Variants in KLHDC4 observed in about 807,000 individuals in gnomAD.
KLHDC4 encodes the protein kelch domain containing 4.
KLHDC4 carries 90 observed loss-of-function variants against 62.4 expected under a neutral mutation model. That is an observed-to-expected ratio of 1.44 (90% confidence interval 1.22 to 1.72). KLHDC4 has a LOEUF of 1.72. KLHDC4 is among the 40% of genes most tolerant of loss of function. KLHDC4 has a pLI of 0.00. For synonymous variants in KLHDC4, 386 were observed against 284.4 expected (o/e 1.36, Z -3.59); for missense variants, 1,025 against 699.7 (o/e 1.47, Z -5.25).
rs750259276 is a variant in KLHDC4 at position 87,761,960 on chromosome 16, T to TG, written c.179dup (p.Pro61ThrfsTer14). ...TGCTACTTGCTCACCTTGGTGAGGG[T>TG]GGGGGGCACGGAAGTTCCACAGTCT... On this transcript the variant is annotated frameshift_variant, in exon 2 of 12. Transcript: ENST00000270583. LOFTEE classifies it high-confidence loss of function. 6.2e-6 allele frequency: 10 copies of TG among 1,613,378 alleles called. No homozygotes were observed. In the Admixed American group the frequency reaches 1.0e-4, roughly 16 times the overall value.
chr16:87,707,252 C>T (rs2034847875), downstream of KLHDC4, among the ~76,000 whole-genome samples: 1 of 152,220 alleles, frequency 6.6e-6, no homozygotes, highest in African/African-American at 2.4e-5. Context: ...CCAGGAGGAG[C>T]TGGATGGGGA....
At chr16:87,754,039 C>G (rs2044463438) in intron 4 of KLHDC4, among the ~76,000 whole-genome samples, 1 of 151,208 alleles carries the variant, frequency 6.6e-6, no homozygotes, top group East Asian at 2.0e-4. Context: ...ACTGGGGAGG[C>G]TGAGGCAGGA....
At chr16:87,758,895 G>A (rs1258742953) in intron 2 of KLHDC4, among the ~76,000 whole-genome samples, 6 of 137,500 alleles carry the variant, frequency 4.4e-5, no homozygotes, top group Admixed American at 2.2e-4. Flanking sequence ...GCAAATTTTG[G>A]CCAGGCGCAT....
chr16:87,765,722 G>A (rs563694002), intron 1 of KLHDC4, 70 bp downstream of exon 1: 1 of 1,428,722 alleles, frequency 7.0e-7, no homozygotes, highest in African/African-American at 1.4e-5. Flanking sequence ...TAACCCCGGG[G>A]GGCGCAGGGA....
At position 87,756,532 on chromosome 16, in the gene KLHDC4, C is replaced by T. The variant is rs370957071; in HGVS notation, c.192-55G>A. 1.2e-4 allele frequency: 151 copies of T among 1,278,720 alleles called. No individual in the cohort carries two copies. The African/African-American group carries it at 1.6e-3, about 13-fold the overall frequency. 79.2% of individuals were successfully genotyped at this position (1,278,720 alleles called of 1,614,324 possible). ...AGATCACCCCCGATACCCACCTGAG[C>T]GCTGTCCCCTTCCTCACAGAATCCT... On this transcript the variant is annotated intron_variant, in intron 2 of 11. Transcript: ENST00000270583.
intron 5 of KLHDC4, among the ~76,000 whole-genome samples, chr16:87,740,339 G>A (rs189465091): frequency 6.6e-6 from 1 of 152,308 alleles, no homozygotes; most frequent in African/African-American, 2.4e-5. Context: ...CTATCCCAGA[G>A]GCCCAGGGCT....
rs376729175 is a variant in KLHDC4 at position 87,755,312 on chromosome 16, T to C, written c.271-20A>G. ...AAAAGTCTACAGGAAGGAAGAAGAA[T>C]GTCAGTGTCACAAATGATACGCTTC... On this transcript the variant is annotated intron_variant, in intron 3 of 11. Coordinates refer to ENST00000270583, the MANE Select transcript of KLHDC4 (RefSeq NM_017566.4). 8.4e-6 allele frequency: 11 copies of C among 1,310,300 alleles called. No homozygotes were observed. The highest frequency in any genetic ancestry group is 4.6e-5 in the East Asian group (2 of 43,190). The allele number at this position is 1,310,300 out of a possible 1,614,324, so 81.2% of individuals were successfully genotyped here.
At chr16:87,723,669 G>A (rs949027781) in intron 7 of KLHDC4, among the ~76,000 whole-genome samples, 5 of 152,244 alleles carry the variant, frequency 3.3e-5, no homozygotes, top group East Asian at 1.9e-4. Context: ...GGGTCATTCC[G>A]ATCAACTCGG....
At chr16:87,723,057 G>A (rs1002473125) in intron 7 of KLHDC4, among the ~76,000 whole-genome samples, 11 of 152,256 alleles carry the variant, frequency 7.2e-5, no homozygotes, top group African/African-American at 2.7e-4. Flanking sequence ...GAGCATGGCG[G>A]GTGAGGGTGT....
At chr16:87,705,442 A>G (rs901133282), downstream of KLHDC4, among the ~76,000 whole-genome samples, 2 of 152,364 alleles carry the variant, frequency 1.3e-5, no homozygotes, top group African/African-American at 4.8e-5. Context: ...GAGCTTGTCT[A>G]TCTGATCCCC....
intron 7 of KLHDC4, among the ~76,000 whole-genome samples, chr16:87,724,045 C>T (rs1197649329): frequency 6.6e-6 from 1 of 152,122 alleles, no homozygotes; most frequent in Non-Finnish European, 1.5e-5. Flanking sequence ...ACCATGTTGG[C>T]CAGGCTGATC....
chr16:87,746,161 TA>T (rs1370861986), intron 5 of KLHDC4, among the ~76,000 whole-genome samples: 4 of 151,926 alleles, frequency 2.6e-5, no homozygotes, highest in East Asian at 1.9e-4. Flanking sequence ...TCCTGGCTAC[TA>T]GGGGGGCTGA....
intron 10 of KLHDC4, among the ~76,000 whole-genome samples, chr16:87,708,747 C>T (rs2035164796): frequency 6.6e-6 from 1 of 152,216 alleles, no homozygotes; most frequent in Non-Finnish European, 1.5e-5. Context: ...CCCCGGCTCA[C>T]GGTGTTCTCA....
exon 1 of KLHDC4, chr16:87,702,332 G>A (rs886743670): frequency 2.4e-5 from 11 of 454,954 alleles, no homozygotes; most frequent in African/African-American, 2.0e-4. Context: ...GGGTCAGGCT[G>A]AGAGAGGAAG....
At chr16:87,739,901 T>C (rs753320355) in intron 5 of KLHDC4, 7 of 152,390 alleles carry the variant, frequency 4.6e-5, no homozygotes, top group South Asian at 2.1e-4. Flanking sequence ...CTTTAGATCA[T>C]GGTGTTGGCT....
intron 8 of KLHDC4, among the ~76,000 whole-genome samples, chr16:87,712,488 G>A (rs886193158): frequency 1.4e-4 from 21 of 152,326 alleles, no homozygotes; most frequent in Non-Finnish European, 2.6e-4. Flanking sequence ...AAGGTGTGTC[G>A]CTCCTCACCA....
chr16:87,713,302 C>T (rs897990756), intron 8 of KLHDC4, among the ~76,000 whole-genome samples: 2 of 151,976 alleles, frequency 1.3e-5, no homozygotes, highest in African/African-American at 4.8e-5. Flanking sequence ...GAGGTTCACG[C>T]CATTCTCCTG....
chr16:87,709,716 G>A (rs1434545464), intron 9 of KLHDC4, 49 bp from the exon 10 acceptor site: 3 of 1,500,416 alleles, frequency 2.0e-6, no homozygotes, highest in East Asian at 2.4e-5. Flanking sequence ...GCGAGGCAGG[G>A]GTCATTCCTG....
Position 87,762,245 on chromosome 16 carries a change from G to A in KLHDC4, c.100-205C>T, listed in dbSNP as rs534923643. On this transcript the variant is annotated intron_variant, in intron 1 of 11. Transcript: ENST00000270583. ...GACCTCAAAGGCAGTCTGCTTAAAG[G>A]GTAGATGTGTGCACCAAGTATTATC... 23 of 1,053,160 alleles carry A rather than the reference G, an allele frequency of 2.2e-5. No individual in the cohort carries two copies. In the African/African-American group the frequency reaches 3.4e-4, roughly 16 times the overall value. 65.2% of individuals were successfully genotyped at this position (1,053,160 alleles called of 1,614,324 possible). A position where few individuals can be genotyped will look rare whatever the true frequency, so the allele number is the denominator to read the frequency against.
Sources: gnomAD v4.1 joint callset for allele counts (sites outside exome capture counted in the v4.1 genomes callset) on GRCh38, gnomAD v4.1.1 for gene constraint, MANE v1.5 for transcripts, NCBI Gene and HGNC (gene_info 2026-07-23, HGNC 2026-07-21) for gene names.